Variants in ALG11 observed in about 807,000 individuals in gnomAD.
The protein encoded by ALG11 is ALG11 alpha-1,2-mannosyltransferase, also known as GDP-Man:Man(3)GlcNAc(2)-PP-Dol alpha-1,2-mannosyltransferase.
Under a neutral mutation model 38.8 loss-of-function variants are expected in ALG11, and 26 were observed. That is an observed-to-expected ratio of 0.67 (90% CI 0.49 to 0.93). The LOEUF is 0.93. Among genes scored for constraint, ALG11 ranks in the 40% least tolerant of loss-of-function variants. The probability of loss-of-function intolerance (pLI) is 0.00; values close to 1 mark genes in which losing one functional copy is unlikely to be tolerated. For synonymous variants in ALG11, 199 were observed against 211.6 expected (o/e 0.94, Z 0.52); for missense variants, 535 against 578.8 (o/e 0.92, Z 0.78).
At chr13:52,018,882 A>G (rs779640532) in intron 1 of ALG11, 31 bp from the exon 2 acceptor site, 72 of 1,581,118 alleles carry the variant, frequency 4.6e-5, no homozygotes, top group Non-Finnish European at 6.3e-5. Context: ...TATATATCAC[A>G]TTGATTCTCA....
chr13:52,028,205 T>A, intron 3 of ALG11, 114 bp from the exon 4 acceptor site: 1 of 1,229,860 alleles, frequency 8.1e-7, no homozygotes, highest in African/African-American at 1.5e-5. Context: ...AGACATACAT[T>A]TAATTAAGTT....
intron 1 of ALG11, among the ~76,000 whole-genome samples, chr13:52,018,320 C>T (rs1954152101): frequency 6.6e-6 from 1 of 152,088 alleles, no homozygotes; most frequent in South Asian, 2.1e-4. Context: ...GGGTTTTTGG[C>T]AGCTCATTCA....
At position 52,030,129 on chromosome 13, in the gene ALG11, G is replaced by A; in HGVS notation, c.*1539G>A. On this transcript the variant is annotated 3_prime_UTR_variant, in exon 4 of 4. Coordinates refer to ENST00000521508, the MANE Select transcript of ALG11 (RefSeq NM_001004127.3). Reference sequence around the variant, plus strand: ...CTCAACCAGGATGCTGAGCCAGCAAGCAGTCAAGAAACAAAAGATTCTAGC... The same window carrying A: ...CTCAACCAGGATGCTGAGCCAGCAAACAGTCAAGAAACAAAAGATTCTAGC... 1 of 1,614,226 alleles carries A rather than the reference G, an allele frequency of 6.2e-7. No individual in the cohort carries two copies.
intron 2 of ALG11, chr13:52,022,321 T>C (rs1954190339): frequency 6.6e-6 from 1 of 152,190 alleles, no homozygotes; most frequent in Non-Finnish European, 1.5e-5. Context: ...TAAGCCAAGA[T>C]CACGCCACTG....
In ALG11 at chr13:52,031,155, T is replaced by G; in HGVS notation, c.*2565T>G. On this transcript the variant is annotated 3_prime_UTR_variant, in exon 4 of 4. Coordinates refer to ENST00000521508, the MANE Select transcript of ALG11 (RefSeq NM_001004127.3). ...TCAGGGGCCCTGATTCCACTTCCTT[T>G]GGTCCAGTTTTACTCTGCTACAGGG... is the stretch of plus-strand genomic sequence containing the variant. 1 of 1,560,534 alleles carries G rather than the reference T, an allele frequency of 6.4e-7. No individual in the cohort carries two copies.
intron 3 of ALG11, among the ~76,000 whole-genome samples, chr13:52,027,984 G>T (rs539348700): frequency 1.3e-5 from 2 of 152,018 alleles, no homozygotes; most frequent in Non-Finnish European, 2.9e-5. Flanking sequence ...CAGGCTGGGT[G>T]TGGTAGCTCA....
chr13:52,029,222 C>T lies in ALG11; in HGVS notation c.*632C>T. 2 of 1,614,194 alleles carry T rather than the reference C, an allele frequency of 1.2e-6. No homozygotes were observed. The highest frequency in any genetic ancestry group is 1.7e-6 in the Non-Finnish European group (2 of 1,180,038). ...AGCATTCAGTAAAACCTCACAGGTC[C>T]TCTCCAAATGGGACCCTATCATCCT... On this transcript the variant is annotated 3_prime_UTR_variant, in exon 4 of 4. Transcript: ENST00000521508.
chr13:52,022,979 C>T (rs1954198960), intron 2 of ALG11: 1 of 152,180 alleles, frequency 6.6e-6, no homozygotes, highest in South Asian at 2.1e-4. Flanking sequence ...TGTTTTATGA[C>T]TCAAAGAATA....
rs1215640484 is a variant in ALG11, at chr13:52,031,611, T to C, written c.*3021T>C. ...CAGCCTGGAAGTCAGCTTTAAGTCATTCAAGAGAACCTCAGGCTGTTTTTC... is the reference window on the plus strand; with the variant it reads ...CAGCCTGGAAGTCAGCTTTAAGTCACTCAAGAGAACCTCAGGCTGTTTTTC... On this transcript the variant is annotated 3_prime_UTR_variant, in exon 4 of 4. Transcript: ENST00000521508. 5.8e-6 allele frequency: 1 copy of C among 172,184 alleles called. No individual in the cohort carries two copies. Among genetic ancestry groups the C allele is most frequent in the Non-Finnish European group, 1.4e-5 (1 of 71,022 alleles). 10.7% of individuals were successfully genotyped at this position (172,184 alleles called of 1,614,324 possible). A position where few individuals can be genotyped will look rare whatever the true frequency, so the allele number is the denominator to read the frequency against.
At position 52,024,364 on chromosome 13, in the gene ALG11, A is replaced by G. The variant is rs201671828; in HGVS notation, c.634A>G (p.Asn212Asp). ...ISTDMLSVVK[N>D]QNIGFNNAAF... ...CACCGACATGCTCTCTGTAGTGAAG[A>G]ATCAAAATATTGGATTTAATAATGC... Residue 212 changes from asparagine to aspartate, a missense_variant, in exon 3 of 4, where the codon AAT becomes GAT. Coordinates refer to ENST00000521508, the MANE Select transcript of ALG11 (RefSeq NM_001004127.3). 1.9e-6 allele frequency: 3 copies of G among 1,614,108 alleles called. No individual in the cohort carries two copies. In the Admixed American group the frequency reaches 5.0e-5, roughly 27 times the overall value.
rs1954287856 is a variant in ALG11, at chr13:52,030,279, C to T, written c.*1689C>T. 2.5e-6 allele frequency: 4 copies of T among 1,614,188 alleles called. No homozygotes were observed. The highest frequency in any genetic ancestry group is 3.4e-6 in the Non-Finnish European group (4 of 1,180,034). On this transcript the variant is annotated 3_prime_UTR_variant, in exon 4 of 4. Coordinates refer to ENST00000521508, the MANE Select transcript of ALG11 (RefSeq NM_001004127.3). ...CAGGTCCAGAGAGAGGAACCTGCCC[C>T]AGAAGAAGCGGAACCCCTATTGCTA...
chr13:52,028,432 A>G lies in ALG11; in HGVS notation c.1321A>G (p.Ser441Gly). ...EGDITGFLAE[S>G]EEDYAETIAH... Reference sequence around the variant, plus strand: ...AGATATAACTGGCTTTCTGGCTGAGAGTGAAGAAGACTATGCTGAAACTAT... The same window carrying G: ...AGATATAACTGGCTTTCTGGCTGAGGGTGAAGAAGACTATGCTGAAACTAT... The change falls in exon 4 of 4, where the codon AGT becomes GGT. Residue 441 changes from serine (S) to glycine (G), a missense_variant. Ser to Gly is a moderately conservative substitution (Grantham distance 56, BLOSUM62 0). Coordinates refer to ENST00000521508, the MANE Select transcript of ALG11 (RefSeq NM_001004127.3). The G allele has an allele frequency of 4.3e-6, 7 of 1,614,186 alleles. No individual in the cohort carries two copies. The highest frequency in any genetic ancestry group is 5.9e-6 in the Non-Finnish European group (7 of 1,180,042).
chr13:52,012,601 T>A, intron 1 of ALG11, 139 bp downstream of exon 1: 1 of 1,183,228 alleles, frequency 8.5e-7, no homozygotes, highest in Non-Finnish European at 1.2e-6. Context: ...ATGAGCAGTC[T>A]TTCTTTTTCT....
At position 52,029,116 on chromosome 13, in the gene ALG11, G is replaced by C; in HGVS notation, c.*526G>C. The C allele has an allele frequency of 6.2e-7, 1 of 1,614,188 alleles. No homozygotes were observed. The highest frequency in any genetic ancestry group is 8.5e-7 in the Non-Finnish European group (1 of 1,180,040). On this transcript the variant is annotated 3_prime_UTR_variant, in exon 4 of 4. Coordinates refer to ENST00000521508, the MANE Select transcript of ALG11 (RefSeq NM_001004127.3). ...CATCTTCTTTGGCCACTGTAAAAAA[G>C]CAACTGAATAGAGTCAAATCAAAGA...
intron 3 of ALG11, 144 bp downstream of exon 3, chr13:52,025,081 A>G (rs973736465): frequency 7.8e-6 from 7 of 900,290 alleles, no homozygotes; most frequent in Non-Finnish European, 1.2e-5. Flanking sequence ...CTCACTTGAG[A>G]CCTTGTAAGA....
chr13:52,021,922 GT>G (rs1954187356), intron 2 of ALG11: 1 of 152,252 alleles, frequency 6.6e-6, no homozygotes, highest in Non-Finnish European at 1.5e-5. Context: ...GAGACAGGAA[GT>G]AGGAGCTGCC....
chr13:52,014,226 C>G (rs1954116042), intron 1 of ALG11, among the ~76,000 whole-genome samples: 1 of 152,168 alleles, frequency 6.6e-6, no homozygotes, highest in Non-Finnish European at 1.5e-5. Flanking sequence ...GGAGGAGCCA[C>G]TATCTGGTTT....
chr13:52,019,033 T>C lies in ALG11; in HGVS notation c.165T>C (p.Thr55=). 2.5e-6 allele frequency: 4 copies of C among 1,614,008 alleles called. No individual in the cohort carries two copies. The highest frequency in any genetic ancestry group is 2.2e-5 in the East Asian group (1 of 44,856). Reference sequence around the variant, plus strand: ...AGAGAAAGAAAAAATTAGTGTCAACTAGCAAAAATGGGAAAAATCAAATGG... The same window carrying C: ...AGAGAAAGAAAAAATTAGTGTCAACCAGCAAAAATGGGAAAAATCAAATGG... ...LLQRKKKLVS[T]SKNGKNQMVI... is the part of the protein sequence containing the mutation. Residue 55 remains threonine (T), a synonymous_variant, in exon 2 of 4, where the codon ACT becomes ACC. Coordinates refer to ENST00000521508, the MANE Select transcript of ALG11 (RefSeq NM_001004127.3).
chr13:52,030,399 A>G lies in ALG11; in HGVS notation c.*1809A>G, dbSNP rs2140852413. ...AAGGAGCTTCCCAGACCTGTGTTAGAAGGACAGCAGTCAGAGAGGACCCCA... is the reference window on the plus strand; with the variant it reads ...AAGGAGCTTCCCAGACCTGTGTTAGGAGGACAGCAGTCAGAGAGGACCCCA... On this transcript the variant is annotated 3_prime_UTR_variant, in exon 4 of 4. Transcript: ENST00000521508. 2 of 1,614,212 alleles carry G rather than the reference A, an allele frequency of 1.2e-6. No individual in the cohort carries two copies. Among genetic ancestry groups the G allele is most frequent in the South Asian group, 1.1e-5 (1 of 91,082 alleles).
Sources: gnomAD v4.1 joint callset for allele counts (sites outside exome capture counted in the v4.1 genomes callset) on GRCh38, gnomAD v4.1.1 for gene constraint, MANE v1.5 for transcripts, NCBI Gene and HGNC (gene_info 2026-07-23, HGNC 2026-07-21) for gene names.